The following PARD3B variants were observed in gnomAD, a reference collection of about 807,000 sequenced individuals.
PARD3B encodes the protein partitioning defective 3 homolog B.
In PARD3B, 103 loss-of-function variants were observed where a neutral mutation model predicts 130.2. The ratio of observed to expected loss-of-function variants is 0.79; its 90% CI spans 0.67 to 0.93. The LOEUF (loss-of-function observed/expected upper bound fraction) is 0.93, where lower values mean the gene tolerates loss of function less well. PARD3B is among the 40% of genes least tolerant of loss of function. The pLI, the probability that PARD3B is intolerant of heterozygous loss-of-function variation, is 0.00. For synonymous variants in PARD3B, 583 were observed against 553.2 expected, an observed-to-expected ratio of 1.05 and a Z score of -0.76; for missense variants, 1,609 against 1,499.2, an observed-to-expected ratio of 1.07 and a Z score of -1.21.
chr2:204,644,734 A>G (rs1358314110), intron 1 of PARD3B, among the ~76,000 whole-genome samples: 1 of 152,178 alleles, frequency 6.6e-6, no homozygotes, highest in Non-Finnish European at 1.5e-5. Context: ...ACTTAAAAAT[A>G]TTAGAATACA....
intron 2 of PARD3B, among the ~76,000 whole-genome samples, chr2:204,837,670 A>T (rs556816478): frequency 5.3e-5 from 8 of 152,250 alleles, no homozygotes; most frequent in African/African-American, 1.9e-4. Context: ...GTTTGTAAAG[A>T]GACCCTGCTG....
chr2:205,488,876 A>G (rs113315958), intron 20 of PARD3B, among the ~76,000 whole-genome samples: 56 of 152,312 alleles, frequency 3.7e-4, no homozygotes, highest in African/African-American at 1.3e-3. Flanking sequence ...TGGTGTATCA[A>G]TTAAATGCAG....
chr2:205,035,819 A>G (rs1697799441), intron 3 of PARD3B, among the ~76,000 whole-genome samples: 1 of 77,318 alleles, frequency 1.3e-5, no homozygotes, highest in African/African-American at 5.5e-5. Flanking sequence ...ATATATATAT[A>G]TCTATATATC....
At chr2:205,510,711 G>A (rs2050556422) in intron 21 of PARD3B, among the ~76,000 whole-genome samples, 1 of 152,134 alleles carries the variant, frequency 6.6e-6, no homozygotes, top group African/African-American at 2.4e-5. Context: ...CTGAAGCAAA[G>A]AAATACCAGG....
At chr2:204,902,766 T>C (rs1034334867) in intron 2 of PARD3B, among the ~76,000 whole-genome samples, 2 of 152,224 alleles carry the variant, frequency 1.3e-5, no homozygotes, top group Non-Finnish European at 2.9e-5. Flanking sequence ...TTTTTTTCTT[T>C]CTCTTTTAGA....
rs573240576 is a variant in PARD3B, at chr2:204,871,587, A to T, written c.223-93565A>T. Among the ~76,000 whole-genome samples the T allele has an allele frequency of 3.4e-3, 517 of 152,242 alleles. 2 individuals are homozygous for T. Among genetic ancestry groups the T allele is most frequent in the Middle Eastern group, 0.017 (5 of 294 alleles). ...AAAGTAAATAATAATGATATGAATG[A>T]TTTTTTTCCTTAGAAAATCAACTGT... is the stretch of plus-strand genomic sequence containing the variant. On this transcript the variant is annotated intron_variant, in intron 2 of 22. Coordinates refer to ENST00000406610, the MANE Select transcript of PARD3B (RefSeq NM_001302769.2).
At chr2:204,637,967 A>G (rs2034945014) in intron 1 of PARD3B, among the ~76,000 whole-genome samples, 1 of 152,114 alleles carries the variant, frequency 6.6e-6, no homozygotes, top group African/African-American at 2.4e-5. Context: ...TCGTTCTGAG[A>G]TGGATTTTCT....
chr2:204,730,347 A>T (rs551807876), intron 2 of PARD3B, among the ~76,000 whole-genome samples: 4 of 152,166 alleles, frequency 2.6e-5, no homozygotes, highest in Non-Finnish European at 5.9e-5. Flanking sequence ...GGGATTACAG[A>T]TGTGAGCCAC....
chr2:204,747,633 C>CA (rs2040297009), intron 2 of PARD3B, among the ~76,000 whole-genome samples: 1 of 151,972 alleles, frequency 6.6e-6, no homozygotes, highest in Admixed American at 6.6e-5. Flanking sequence ...GATCCTATGC[C>CA]AAAAGTACAA....
intron 21 of PARD3B, among the ~76,000 whole-genome samples, chr2:205,514,375 T>G (rs1235728456): frequency 1.3e-5 from 2 of 152,172 alleles, no homozygotes; most frequent in African/African-American, 2.4e-5. Flanking sequence ...CTATGAGTTA[T>G]GATTTTAGGA....
At chr2:205,138,592 G>A (rs1278987600) in intron 10 of PARD3B, among the ~76,000 whole-genome samples, 1 of 152,174 alleles carries the variant, frequency 6.6e-6, no homozygotes, top group Non-Finnish European at 1.5e-5. Flanking sequence ...ATCTGTAAAA[G>A]GAGGAAATTG....
intron 3 of PARD3B, among the ~76,000 whole-genome samples, chr2:204,989,249 C>A (rs1693436150): frequency 6.6e-6 from 1 of 151,938 alleles, no homozygotes; most frequent in Non-Finnish European, 1.5e-5. Context: ...TCTAGGATTG[C>A]ATGCTCAGGA....
rs996272654 is a variant in PARD3B, at chr2:205,618,872, A to T, written c.*3059A>T. On this transcript the variant is annotated 3_prime_UTR_variant, in exon 23 of 23. Transcript: ENST00000406610. ...AATATCAAATCAGTGGATGAAATAC[A>T]AGCTCAGAAACAGGAACATTTTCCT... 1 of 152,242 alleles carries T rather than the reference A, an allele frequency of 6.6e-6. No individual in the cohort carries two copies. The highest frequency in any genetic ancestry group is 1.5e-5 in the Non-Finnish European group (1 of 68,046). 9.4% of individuals were successfully genotyped at this position (152,242 alleles called of 1,614,324 possible).
At chr2:204,893,052 C>G (rs1323973750) in intron 2 of PARD3B, among the ~76,000 whole-genome samples, 1 of 152,108 alleles carries the variant, frequency 6.6e-6, no homozygotes, top group African/African-American at 2.4e-5. Context: ...GAATGTAGGT[C>G]TGTGACTTAG....
intron 2 of PARD3B, among the ~76,000 whole-genome samples, chr2:204,904,796 G>A (rs1057246431): frequency 4.6e-5 from 7 of 152,018 alleles, no homozygotes; most frequent in African/African-American, 7.2e-5. Context: ...ACTACATGTC[G>A]TGATAGTTTA....
chr2:205,219,446 T>A (rs976051302), intron 15 of PARD3B, among the ~76,000 whole-genome samples: 7 of 152,244 alleles, frequency 4.6e-5, no homozygotes, highest in African/African-American at 1.7e-4. Flanking sequence ...TGACAACTTT[T>A]CAAAATCTAT....
intron 2 of PARD3B, among the ~76,000 whole-genome samples, chr2:204,775,092 G>A (rs998208633): frequency 2.0e-5 from 3 of 152,116 alleles, no homozygotes; most frequent in African/African-American, 4.8e-5. Context: ...CAAGCCTGAG[G>A]TTCTCAAATC....
At chr2:205,490,359 C>CGG (rs1285698298) in intron 20 of PARD3B, among the ~76,000 whole-genome samples, 2 of 151,496 alleles carry the variant, frequency 1.3e-5, no homozygotes, top group African/African-American at 2.4e-5. Flanking sequence ...CGAGAACGTG[C>CGG]GGTGTTTAGT....
intron 4 of PARD3B, among the ~76,000 whole-genome samples, chr2:205,080,418 C>T (rs1701333110): frequency 6.6e-6 from 1 of 151,974 alleles, no homozygotes; most frequent in Non-Finnish European, 1.5e-5. Context: ...ACATCTATTT[C>T]TTGATTTACC....
Sources: allele counts gnomAD v4.1 joint callset (sites outside exome capture counted in the v4.1 genomes callset), GRCh38; gene constraint gnomAD v4.1.1; transcripts MANE v1.5; gene names NCBI Gene and HGNC (gene_info 2026-07-23, HGNC 2026-07-21).